Variants in KPNA4 observed in about 807,000 individuals in gnomAD.
KPNA4 encodes karyopherin subunit alpha 4.
Under a neutral mutation model 71.3 loss-of-function variants are expected in KPNA4, and 13 were observed. The observed-to-expected ratio is 0.18, with a 90% CI of 0.12 to 0.29. The LOEUF (loss-of-function observed/expected upper bound fraction) is 0.29. Among genes scored for constraint, KPNA4 ranks in the 10% least tolerant of loss-of-function variants. The pLI is 1.00. For missense variants in KPNA4, 334 were observed against 603.2 expected, an observed-to-expected ratio of 0.55 and a Z score of 4.67; for synonymous variants, 189 against 195.2, an observed-to-expected ratio of 0.97 and a Z score of 0.26.
At chr3:160,563,968 CA>C (rs1722291804) in intron 1 of KPNA4, among the ~76,000 whole-genome samples, 1 of 147,148 alleles carries the variant, frequency 6.8e-6, no homozygotes, top group African/African-American at 2.4e-5. Flanking sequence ...GTAAAAAGCC[CA>C]AAAAATATCT....
Position 160,497,550 on chromosome 3 carries a change from G to C in KPNA4, c.*4554C>G, listed in dbSNP as rs1720791032. 6.6e-6 allele frequency: 1 copy of C among 152,126 alleles called. No individual in the cohort carries two copies. Among genetic ancestry groups the C allele is most frequent in the Non-Finnish European group, 1.5e-5 (1 of 68,016 alleles). 9.4% of individuals were successfully genotyped at this position (152,126 alleles called of 1,614,324 possible). On this transcript the variant is annotated 3_prime_UTR_variant, in exon 17 of 17. Transcript: ENST00000334256. Reference sequence around the variant, plus strand: ...ATTAATGTGCTTATTAAAAAGTTTAGGGAAAACTTTAAGTGTTCAAAATGT... The same window carrying C: ...ATTAATGTGCTTATTAAAAAGTTTACGGAAAACTTTAAGTGTTCAAAATGT...
In KPNA4 at chr3:160,509,821, T is replaced by A. The variant is rs1210338138; in HGVS notation, c.1188A>T (p.Thr396=). Residue 396 remains threonine, a synonymous_variant, in exon 14 of 17, where the codon ACA becomes ACT. Coordinates refer to ENST00000334256, the MANE Select transcript of KPNA4 (RefSeq NM_002268.5). ...KEAAWAISNL[T]ISGRKDQVAY... is the part of the protein sequence containing the mutation. ...TTACTTGATCTTTCCTTCCACTAATTGTTAAGTTACTTATGGCCCAAGCAG... is the reference window on the plus strand; with the variant it reads ...TTACTTGATCTTTCCTTCCACTAATAGTTAAGTTACTTATGGCCCAAGCAG... The A allele has an allele frequency of 9.3e-6, 15 of 1,611,114 alleles. No individual in the cohort carries two copies. The highest frequency in any genetic ancestry group is 1.3e-5 in the Non-Finnish European group (15 of 1,177,780).
intron 13 of KPNA4, among the ~76,000 whole-genome samples, chr3:160,513,809 T>C (rs559701499): frequency 1.3e-5 from 2 of 152,274 alleles, no homozygotes; most frequent in East Asian, 3.9e-4. Context: ...AGTAACGATA[T>C]GAAAGTTTAG....
intron 13 of KPNA4, among the ~76,000 whole-genome samples, chr3:160,512,048 C>A (rs1395605398): frequency 6.6e-6 from 1 of 152,136 alleles, no homozygotes; most frequent in Non-Finnish European, 1.5e-5. Flanking sequence ...AACTCATCAT[C>A]TTTCACTTTC....
At chr3:160,514,235 GA>G (rs1363669437) in intron 12 of KPNA4, 54 bp from the exon 13 acceptor site, 1 of 1,289,806 alleles carries the variant, frequency 7.8e-7, no homozygotes, top group Non-Finnish European at 1.1e-6. Flanking sequence ...ATCTGCATCT[GA>G]ACTAAGTAAA....
At chr3:160,505,912 C>T (rs1272673220) in intron 15 of KPNA4, among the ~76,000 whole-genome samples, 2 of 152,200 alleles carry the variant, frequency 1.3e-5, no homozygotes, top group Non-Finnish European at 2.9e-5. Context: ...CTACCTAAAA[C>T]TCAAACTGTC....
chr3:160,523,172 T>C (rs1386890734), intron 10 of KPNA4, among the ~76,000 whole-genome samples: 1 of 152,178 alleles, frequency 6.6e-6, no homozygotes, highest in Non-Finnish European at 1.5e-5. Flanking sequence ...GTGTAAAACC[T>C]TTAAAACAAT....
chr3:160,542,546 A>T (rs1052076411), intron 1 of KPNA4, among the ~76,000 whole-genome samples: 1 of 152,184 alleles, frequency 6.6e-6, no homozygotes, highest in African/African-American at 2.4e-5. Flanking sequence ...TAAGGATAAA[A>T]ACCCATATTA....
intron 1 of KPNA4, among the ~76,000 whole-genome samples, chr3:160,551,862 A>T (rs1445579486): frequency 2.0e-5 from 3 of 146,990 alleles, no homozygotes; most frequent in Non-Finnish European, 4.5e-5. Flanking sequence ...CTGTATTCTA[A>T]TGGTTCTCAT....
intron 11 of KPNA4, among the ~76,000 whole-genome samples, chr3:160,517,830 GTTC>G (rs1310197321): frequency 6.6e-6 from 1 of 150,814 alleles, no homozygotes; most frequent in Non-Finnish European, 1.5e-5. Flanking sequence ...AGTAGTAACA[GTTC>G]TTTATACATT....
At chr3:160,547,191 A>G (rs1313201993) in intron 1 of KPNA4, among the ~76,000 whole-genome samples, 3 of 152,196 alleles carry the variant, frequency 2.0e-5, no homozygotes, top group Non-Finnish European at 2.9e-5. Context: ...ATCTTGTCAT[A>G]TTTGCCTTTT....
chr3:160,546,610 G>A (rs1337914269), intron 1 of KPNA4, among the ~76,000 whole-genome samples: 1 of 152,160 alleles, frequency 6.6e-6, no homozygotes, highest in Non-Finnish European at 1.5e-5. Flanking sequence ...TTGGGGATAT[G>A]TCAAATAAGA....
chr3:160,538,109 C>A (rs1560052225), intron 1 of KPNA4, among the ~76,000 whole-genome samples: 1 of 148,084 alleles, frequency 6.8e-6, no homozygotes, highest in African/African-American at 2.5e-5. Flanking sequence ...CACACACACA[C>A]TATATATATA....
In KPNA4 at chr3:160,495,283, A is replaced by G. The variant is rs1283875025; in HGVS notation, c.*6821T>C. 1 of 152,214 alleles carries G rather than the reference A, an allele frequency of 6.6e-6. No individual in the cohort carries two copies. Among genetic ancestry groups the G allele is most frequent in the Non-Finnish European group, 1.5e-5 (1 of 68,040 alleles). 9.4% of individuals were successfully genotyped at this position (152,214 alleles called of 1,614,324 possible). The stretch of plus-strand genomic sequence containing the variant: ...ATACTCCTGACTTCTTGAAGGAGTA[A>G]ATATCTAGAATATTCAAGGACGTAA... On this transcript the variant is annotated 3_prime_UTR_variant, in exon 17 of 17. Coordinates refer to ENST00000334256, the MANE Select transcript of KPNA4 (RefSeq NM_002268.5).
intron 1 of KPNA4, among the ~76,000 whole-genome samples, chr3:160,541,441 A>C (rs1721794332): frequency 6.6e-6 from 1 of 152,040 alleles, no homozygotes; most frequent in Admixed American, 6.5e-5. Context: ...CTTAGGTAAC[A>C]GCACTACCAA....
intron 11 of KPNA4, 121 bp from the exon 12 acceptor site, chr3:160,515,701 G>C: frequency 1.9e-6 from 2 of 1,077,678 alleles, no homozygotes; most frequent in Non-Finnish European, 2.6e-6. Context: ...TGTAACCTCT[G>C]CCTCTCAGGC....
At chr3:160,544,002 T>C (rs149642278) in intron 1 of KPNA4, among the ~76,000 whole-genome samples, 246 of 152,160 alleles carry the variant, frequency 1.6e-3, no homozygotes, top group Non-Finnish European at 2.9e-3. Flanking sequence ...GGATTACAGG[T>C]GCCCGCCACC....
chr3:160,527,848 A>G (rs1045890227), intron 8 of KPNA4, 105 bp downstream of exon 8: 2 of 707,452 alleles, frequency 2.8e-6, no homozygotes, highest in Non-Finnish European at 2.4e-6. Flanking sequence ...CACAAAAACT[A>G]GTACTGAAGG....
At chr3:160,526,674 G>A (rs1721466368) in intron 8 of KPNA4, among the ~76,000 whole-genome samples, 1 of 152,226 alleles carries the variant, frequency 6.6e-6, no homozygotes, top group Admixed American at 6.5e-5. Flanking sequence ...GAGAACCACT[G>A]CTGCAGAGAA....
Sources: gnomAD v4.1 joint callset for allele counts (sites outside exome capture counted in the v4.1 genomes callset) on GRCh38, gnomAD v4.1.1 for gene constraint, MANE v1.5 for transcripts, NCBI Gene and HGNC (gene_info 2026-07-23, HGNC 2026-07-21) for gene names.